GRM8: variants seen among roughly 807,000 people sequenced by gnomAD.
GRM8 encodes the protein metabotropic glutamate receptor 8.
In GRM8, 47 loss-of-function variants were observed where a neutral mutation model predicts 87.2. That is an observed-to-expected ratio of 0.54 (90% CI 0.43 to 0.69). GRM8 has a LOEUF of 0.69. Among genes scored for constraint, GRM8 ranks in the 30% least tolerant of loss-of-function variants. The pLI is 0.00. For missense variants in GRM8, 1,019 were observed against 1,139.2 expected (o/e 0.89, Z 1.52); for synonymous variants, 396 against 404.5 (o/e 0.98, Z 0.25).
chr7:126,585,351 T>G (rs750966428), intron 8 of GRM8, among the ~76,000 whole-genome samples: 3 of 152,196 alleles, frequency 2.0e-5, no homozygotes, highest in African/African-American at 4.8e-5. Flanking sequence ...TTTCCAGTTA[T>G]GCTTTTCGTA....
intron 7 of GRM8, among the ~76,000 whole-genome samples, chr7:126,767,298 T>C (rs570598366): frequency 2.0e-5 from 3 of 152,254 alleles, no homozygotes; most frequent in South Asian, 4.1e-4. Flanking sequence ...AAATATACTA[T>C]ACTTTCAGTG....
chr7:126,600,666 T>A (rs1198981838), intron 8 of GRM8, among the ~76,000 whole-genome samples: 1 of 152,196 alleles, frequency 6.6e-6, no homozygotes, highest in Non-Finnish European at 1.5e-5. Context: ...GTACTTATTC[T>A]GGGCTTGGCA....
At chr7:126,840,447 G>T (rs1220181481) in intron 6 of GRM8, among the ~76,000 whole-genome samples, 2 of 152,082 alleles carry the variant, frequency 1.3e-5, no homozygotes. Flanking sequence ...TGATGATACA[G>T]TATTTTCATC....
intron 2 of GRM8, among the ~76,000 whole-genome samples, chr7:127,140,584 T>C (rs967810467): frequency 2.6e-5 from 4 of 152,172 alleles, no homozygotes; most frequent in Non-Finnish European, 4.4e-5. Flanking sequence ...TCAAATGCCC[T>C]TGGGTGGAGT....
chr7:126,993,669 G>T (rs966199376), intron 3 of GRM8, among the ~76,000 whole-genome samples: 2 of 152,130 alleles, frequency 1.3e-5, no homozygotes, highest in Non-Finnish European at 2.9e-5. Flanking sequence ...CTGTACACTT[G>T]GGGGAGGGAG....
intron 3 of GRM8, among the ~76,000 whole-genome samples, chr7:127,097,319 T>C (rs914450290): frequency 6.6e-6 from 1 of 152,082 alleles, no homozygotes; most frequent in Admixed American, 6.5e-5. Flanking sequence ...CAAATAATAT[T>C]CAATAACCAA....
intron 8 of GRM8, among the ~76,000 whole-genome samples, chr7:126,595,679 C>T (rs1420178190): frequency 6.6e-6 from 1 of 151,976 alleles, no homozygotes; most frequent in East Asian, 1.9e-4. Context: ...CTGCAAAGGA[C>T]ATGATCTCCT....
At chr7:127,129,128 T>C (rs1310701143) in intron 2 of GRM8, among the ~76,000 whole-genome samples, 1 of 152,202 alleles carries the variant, frequency 6.6e-6, no homozygotes, top group African/African-American at 2.4e-5. Context: ...CAAAATTTCA[T>C]GCATCGTGAA....
At chr7:126,976,730 TA>T (rs965618938) in intron 3 of GRM8, among the ~76,000 whole-genome samples, 5 of 152,214 alleles carry the variant, frequency 3.3e-5, no homozygotes, top group African/African-American at 1.2e-4. Flanking sequence ...ACATGTGGAA[TA>T]AAATTTAATA....
At chr7:126,668,626 G>A (rs1009844049) in intron 7 of GRM8, among the ~76,000 whole-genome samples, 1 of 152,110 alleles carries the variant, frequency 6.6e-6, no homozygotes, top group African/African-American at 2.4e-5. Context: ...CACCTCCCTG[G>A]TCAAGGGGTT....
At chr7:126,503,840 G>A (rs1042892236) in intron 9 of GRM8, among the ~76,000 whole-genome samples, 2 of 151,910 alleles carry the variant, frequency 1.3e-5, no homozygotes, top group Non-Finnish European at 1.5e-5. Context: ...TACGGGCTGA[G>A]GCATTCAAGA....
intron 3 of GRM8, among the ~76,000 whole-genome samples, chr7:126,984,082 T>A (rs1352945442): frequency 2.0e-5 from 3 of 152,260 alleles, no homozygotes; most frequent in Non-Finnish European, 4.4e-5. Context: ...TTTATTGACT[T>A]CATATCCATA....
At chr7:126,497,524 C>T (rs113940139) in intron 9 of GRM8, among the ~76,000 whole-genome samples, 6,352 of 151,914 alleles carry the variant, frequency 0.042, 411 homozygotes, top group African/African-American at 0.14. Context: ...TAGATATATT[C>T]GAAATAATAT....
chr7:127,136,434 T>C (rs899113186), intron 2 of GRM8, among the ~76,000 whole-genome samples: 3 of 152,134 alleles, frequency 2.0e-5, no homozygotes, highest in African/African-American at 7.2e-5. Context: ...CTAGTATCCA[T>C]AATAGTACCA....
chr7:126,546,654 A>G (rs1049578176), intron 8 of GRM8, among the ~76,000 whole-genome samples: 1 of 152,342 alleles, frequency 6.6e-6, no homozygotes. Context: ...GTAGTAATTT[A>G]TTTAAAGGAT....
intron 8 of GRM8, among the ~76,000 whole-genome samples, chr7:126,590,121 A>T (rs573911353): frequency 1.2e-4 from 1 of 8,656 alleles, no homozygotes; most frequent in South Asian, 3.9e-3. Context: ...TTCATGAAAT[A>T]AAAAAAAAAA....
intron 8 of GRM8, among the ~76,000 whole-genome samples, chr7:126,598,202 T>C (rs1797398226): frequency 7.7e-6 from 1 of 130,118 alleles, no homozygotes; most frequent in Admixed American, 8.0e-5. Context: ...AAATAACTAA[T>C]TAAATTCTTG....
intron 2 of GRM8, among the ~76,000 whole-genome samples, chr7:127,127,742 A>G (rs946792760): frequency 6.6e-6 from 1 of 152,044 alleles, no homozygotes; most frequent in South Asian, 2.1e-4. Flanking sequence ...AAACTCATCA[A>G]ATACTCATTT....
At chr7:126,896,937 C>T (rs562124459) in intron 6 of GRM8, among the ~76,000 whole-genome samples, 1 of 152,240 alleles carries the variant, frequency 6.6e-6, no homozygotes, top group East Asian at 1.9e-4. Context: ...TCCTTGAGAG[C>T]AAGGGAGGTC....
Sources: allele counts gnomAD v4.1 joint callset (sites outside exome capture counted in the v4.1 genomes callset), GRCh38; gene constraint gnomAD v4.1.1; transcripts MANE v1.5; gene names NCBI Gene and HGNC (gene_info 2026-07-23, HGNC 2026-07-21).